PIEZO1: variants seen among roughly 807,000 people sequenced by gnomAD.
The protein encoded by PIEZO1 is piezo type mechanosensitive ion channel component 1 (Er blood group).
In PIEZO1, 296 loss-of-function variants were observed where a neutral mutation model predicts 297.2. The ratio of observed to expected loss-of-function variants is 1.00; its 90% confidence interval spans 0.91 to 1.10. PIEZO1 has a LOEUF of 1.10. Ranked by LOEUF, PIEZO1 falls within the 50% of genes least tolerant of loss-of-function variation. The pLI is 0.00. For synonymous variants in PIEZO1, 2,427 were observed against 1,507.5 expected (o/e 1.61, Z -14.13); for missense variants, 5,018 against 3,455.5 (o/e 1.45, Z -11.34).
At chr16:88,724,650 T>C (rs1904315639) in intron 30 of PIEZO1, among the ~76,000 whole-genome samples, 1 of 151,890 alleles carries the variant, frequency 6.6e-6, no homozygotes, top group Non-Finnish European at 1.5e-5. Flanking sequence ...GCTGAGATCA[T>C]GCCACTGCAC....
chr16:88,759,068 T>G (rs1196520387), intron 1 of PIEZO1, among the ~76,000 whole-genome samples: 9 of 152,240 alleles, frequency 5.9e-5, no homozygotes, highest in Non-Finnish European at 1.0e-4. Flanking sequence ...GGGAATGTTT[T>G]CATGCGTTGC....
At chr16:88,775,851 G>C (rs2142905513) in intron 1 of PIEZO1, among the ~76,000 whole-genome samples, 1 of 152,166 alleles carries the variant, frequency 6.6e-6, no homozygotes, top group East Asian at 1.9e-4. Context: ...AAAGACAAAA[G>C]ACCCCATTGT....
chr16:88,731,657 A>G, intron 22 of PIEZO1, 49 bp downstream of exon 22: 1 of 1,449,796 alleles, frequency 6.9e-7, no homozygotes. Flanking sequence ...CCCCACGGGC[A>G]TCCACAAAGC....
Position 88,716,260 on chromosome 16 carries a change from AAG to A in PIEZO1, c.7065_7066del (p.Phe2356ProfsTer22). 6.7e-7 allele frequency: 1 copy of A among 1,492,880 alleles called. No individual in the cohort carries two copies. Among genetic ancestry groups the A allele is most frequent in the Non-Finnish European group, 9.0e-7 (1 of 1,115,924 alleles). The allele number at this position is 1,492,880 out of a possible 1,614,324, so 92.5% of individuals were successfully genotyped here. A position where few individuals can be genotyped will look rare whatever the true frequency, so the allele number is the denominator to read the frequency against. ...GTTGGGGGCACGGATGTACTTGGGGAAGAGATTAGGGATGACCCTGCAGGGAG... is the reference window on the plus strand; with the variant it reads ...GTTGGGGGCACGGATGTACTTGGGGAAGATTAGGGATGACCCTGCAGGGAG... On this transcript the variant is annotated frameshift_variant, in exon 49 of 51. Coordinates refer to ENST00000301015, the MANE Select transcript of PIEZO1 (RefSeq NM_001142864.4). LOFTEE classifies it high-confidence loss of function.
At position 88,726,309 on chromosome 16, in the gene PIEZO1, G is replaced by C. The variant is rs1290594550; in HGVS notation, c.3943C>G (p.Gln1315Glu). Reference protein sequence around the residue: ...HYYLHVRADLQATALLASRGF... With the variant: ...HYYLHVRADLEATALLASRGF... ...CTGGAGGCTAGCAGGGCGGTGGCCTGGAGGTCGGCCCTGACGTGCAGGTAG... is the reference window on the plus strand; with the variant it reads ...CTGGAGGCTAGCAGGGCGGTGGCCTCGAGGTCGGCCCTGACGTGCAGGTAG... Residue 1315 changes from glutamine to glutamate, a missense_variant, in exon 27 of 51, where the codon CAG becomes GAG. Physicochemically the swap from Gln to Glu is conservative, Grantham distance 29. Coordinates refer to ENST00000301015, the MANE Select transcript of PIEZO1 (RefSeq NM_001142864.4). 5.8e-6 allele frequency: 9 copies of C among 1,549,930 alleles called. No individual in the cohort carries two copies. The highest frequency in any genetic ancestry group is 7.8e-6 in the Non-Finnish European group (9 of 1,146,778).
At chr16:88,739,132 A>C (rs1314541977) in intron 5 of PIEZO1, 7 of 189,732 alleles carry the variant, frequency 3.7e-5, no homozygotes, top group Non-Finnish European at 7.7e-5. Context: ...GTCTCTAGAG[A>C]CCAAGGGGGC....
At chr16:88,779,984 C>CG in intron 1 of PIEZO1, among the ~76,000 whole-genome samples, 1 of 152,294 alleles carries the variant, frequency 6.6e-6, no homozygotes, top group East Asian at 1.9e-4. Flanking sequence ...GACTTGGAAG[C>CG]GGCTGTGAAG....
chr16:88,768,393 G>A (rs887823336), intron 1 of PIEZO1, among the ~76,000 whole-genome samples: 4 of 152,340 alleles, frequency 2.6e-5, no homozygotes, highest in East Asian at 3.9e-4. Flanking sequence ...GTTCCCTGTG[G>A]GGGGTGGGGA....
At chr16:88,728,062 C>T (rs1224811101) in intron 22 of PIEZO1, among the ~76,000 whole-genome samples, 2 of 152,388 alleles carry the variant, frequency 1.3e-5, no homozygotes, top group East Asian at 1.9e-4. Context: ...GCTGGGAACG[C>T]GCTGCTCAGC....
chr16:88,720,318 A>G (rs1251297644), intron 41 of PIEZO1, 35 bp from the exon 42 acceptor site: 13 of 1,549,974 alleles, frequency 8.4e-6, no homozygotes, highest in Non-Finnish European at 1.0e-5. Flanking sequence ...GGGGGAGCCA[A>G]GCCCAGGGGA....
chr16:88,733,189 T>C (rs1597456373), intron 19 of PIEZO1, 89 bp downstream of exon 19: 1 of 1,245,544 alleles, frequency 8.0e-7, no homozygotes, highest in Non-Finnish European at 1.1e-6. Flanking sequence ...CTGGCCCCAC[T>C]GCACTGAGGC....
At chr16:88,726,503 G>A (rs746976410) in intron 26 of PIEZO1, 44 bp downstream of exon 26, 4 of 1,546,782 alleles carry the variant, frequency 2.6e-6, no homozygotes, top group African/African-American at 2.7e-5. Context: ...CCAGGAGCAG[G>A]GGGCTTCCCC....
intron 1 of PIEZO1, among the ~76,000 whole-genome samples, chr16:88,761,929 G>A (rs1388549600): frequency 1.3e-5 from 2 of 152,194 alleles, no homozygotes; most frequent in African/African-American, 2.4e-5. Context: ...TGAGGCCTGC[G>A]TTCCACACAG....
rs1567687577 is a variant in PIEZO1 at position 88,757,326 on chromosome 16, G to GA, written c.65-7848_65-7847insT. Reference sequence around the variant, plus strand: ...TGCAGGGGGCGTTGCTGGCGGGGGGGTGGGGGGTAGTTACCTAACCTGCCT... The same window carrying GA: ...TGCAGGGGGCGTTGCTGGCGGGGGGGATGGGGGGTAGTTACCTAACCTGCCT... On this transcript the variant is annotated intron_variant, in intron 1 of 50. Transcript: ENST00000301015. Among the ~76,000 whole-genome samples, 3 of 58,932 alleles carry GA rather than the reference G, an allele frequency of 5.1e-5. 1 individual carries two copies. Among genetic ancestry groups the GA allele is most frequent in the Non-Finnish European group, 3.4e-5 (1 of 29,808 alleles). The allele number at this position is 58,932 out of a possible 152,430, so 38.7% of individuals were successfully genotyped here. A position where few individuals can be genotyped will look rare whatever the true frequency, so the allele number is the denominator to read the frequency against.
At chr16:88,736,007 C>G (rs1035591545) in intron 12 of PIEZO1, 141 bp downstream of exon 12, 31 of 828,236 alleles carry the variant, frequency 3.7e-5, no homozygotes, top group African/African-American at 3.4e-5. Context: ...TGGGCTGGCT[C>G]TGGGTGGGCA....
At chr16:88,732,257 G>A (rs1002182095) in intron 21 of PIEZO1, 78 bp downstream of exon 21, 45 of 1,292,018 alleles carry the variant, frequency 3.5e-5, no homozygotes, top group Middle Eastern at 1.9e-4. Context: ...CCAGGCTTGC[G>A]GTGCCTGCAC....
chr16:88,749,418 G>A lies in PIEZO1; in HGVS notation c.126C>T (p.Pro42=). The A allele has an allele frequency of 6.6e-7, 1 of 1,523,728 alleles. No homozygotes were observed. 94.4% of individuals were successfully genotyped at this position (1,523,728 alleles called of 1,614,324 possible). ...CGCATCGGGTGGGGCCGGGGAACCAGGGCAGCAGCAGCAGGAAGAGCAGGT... is the reference window on the plus strand; with the variant it reads ...CGCATCGGGTGGGGCCGGGGAACCAAGGCAGCAGCAGCAGGAAGAGCAGGT... ...LVYLLFLLLL[P]WFPGPTRCGL... Residue 42 remains proline (P), a synonymous_variant, in exon 2 of 51, where the codon CCC becomes CCT. Coordinates refer to ENST00000301015, the MANE Select transcript of PIEZO1 (RefSeq NM_001142864.4).
Position 88,733,941 on chromosome 16 carries a change from A to C in PIEZO1, c.2294T>G (p.Val765Gly), listed in dbSNP as rs1905041976. ...CTGCGTGGCCTGGTGGGGAGTGGCC[A>C]CGCCCAGCCCCTCGTCCCTGGAGTC... is the stretch of plus-strand genomic sequence containing the variant. ...EEDSRDEGLG[V>G]ATPHQATQVP... is the part of the protein sequence containing the mutation. The change falls in exon 17 of 51, where the codon GTG becomes GGG. Residue 765 changes from valine to glycine, a missense_variant. By Grantham distance (109) the Val-to-Gly change is moderately radical. Transcript: ENST00000301015. The C allele has an allele frequency of 4.5e-6, 7 of 1,540,234 alleles. No individual in the cohort carries two copies. Among genetic ancestry groups the C allele is most frequent in the Non-Finnish European group, 6.1e-6 (7 of 1,141,150 alleles).
chr16:88,721,500 T>C (rs771440835), intron 38 of PIEZO1, 38 bp downstream of exon 38: 37 of 1,539,304 alleles, frequency 2.4e-5, no homozygotes, highest in Non-Finnish European at 3.1e-5. Flanking sequence ...CCAGAGGGCC[T>C]GCCCAGCCCC....
Sources: gnomAD v4.1 joint callset for allele counts (sites outside exome capture counted in the v4.1 genomes callset) on GRCh38, gnomAD v4.1.1 for gene constraint, MANE v1.5 for transcripts, NCBI Gene and HGNC (gene_info 2026-07-23, HGNC 2026-07-21) for gene names.